PLCB4: variants seen among roughly 807,000 people sequenced by gnomAD.
PLCB4 encodes the protein phospholipase C beta 4, also known as 1-phosphatidylinositol 4,5-bisphosphate phosphodiesterase beta-4.
In PLCB4, 77 loss-of-function variants were observed where a neutral mutation model predicts 178.8. The observed-to-expected ratio is 0.43, with a 90% CI of 0.36 to 0.52. The LOEUF is 0.52. Among genes scored for constraint, PLCB4 ranks in the 20% least tolerant of loss-of-function variants. The pLI, the probability that PLCB4 is intolerant of heterozygous loss-of-function variation, is 0.00. For synonymous variants in PLCB4, 496 were observed against 490.8 expected (o/e 1.01, Z -0.14); for missense variants, 1,024 against 1,453.4 (o/e 0.70, Z 4.80).
intron 36 of PLCB4, among the ~76,000 whole-genome samples, chr20:9,470,268 T>C (rs1603071007): frequency 6.6e-6 from 1 of 151,682 alleles, no homozygotes; most frequent in Non-Finnish European, 1.5e-5. Context: ...GGGGCGGAGG[T>C]TGCAGTGAGC....
chr20:9,169,800 G>C (rs1178220713), intron 2 of PLCB4, among the ~76,000 whole-genome samples: 2 of 151,948 alleles, frequency 1.3e-5, no homozygotes, highest in Admixed American at 1.3e-4. Flanking sequence ...ATTTTACAAT[G>C]AACAGCTGTG....
intron 2 of PLCB4, among the ~76,000 whole-genome samples, chr20:9,178,071 C>T (rs1163542256): frequency 6.6e-6 from 1 of 152,220 alleles, no homozygotes; most frequent in Non-Finnish European, 1.5e-5. Flanking sequence ...GTAATCCCAG[C>T]ACTTTGGGAG....
chr20:9,254,202 C>T (rs142151467), intron 3 of PLCB4, among the ~76,000 whole-genome samples: 172 of 152,092 alleles, frequency 1.1e-3, no homozygotes, highest in African/African-American at 3.8e-3. Context: ...ATAAAATAAC[C>T]GGATTATATT....
At chr20:9,116,413 T>C (rs2091780678) in intron 2 of PLCB4, among the ~76,000 whole-genome samples, 1 of 152,138 alleles carries the variant, frequency 6.6e-6, no homozygotes, top group African/African-American at 2.4e-5. Context: ...CAGAGTATTG[T>C]TGTGTATTCT....
chr20:9,250,849 G>A (rs567490438), intron 3 of PLCB4, among the ~76,000 whole-genome samples: 1 of 152,288 alleles, frequency 6.6e-6, no homozygotes, highest in South Asian at 2.1e-4. Context: ...ACTGAATAAT[G>A]CAGCATTTTC....
intron 4 of PLCB4, among the ~76,000 whole-genome samples, chr20:9,324,404 G>A (rs2030048458): frequency 6.6e-6 from 1 of 152,070 alleles, no homozygotes; most frequent in African/African-American, 2.4e-5. Flanking sequence ...CCAGCCTGGT[G>A]ACACAGTGAG....
chr20:9,107,516 C>T lies in PLCB4; in HGVS notation c.-79+11174C>T, dbSNP rs372018684. On this transcript the variant is annotated intron_variant, in intron 2 of 39. Coordinates refer to ENST00000378473, the MANE Select transcript of PLCB4 (RefSeq NM_001377142.1). The stretch of plus-strand genomic sequence containing the variant: ...AGGATTACATGTCATCTGTGGGGGG[C>T]GACCTCCTCAGGCTTTTGGGGGTGG... Among the ~76,000 whole-genome samples the T allele has an allele frequency of 5.3e-5, 8 of 152,034 alleles. No homozygotes were observed. The East Asian group carries it at 7.7e-4, about 15-fold the overall frequency.
chr20:9,168,947 G>A (rs778392174), intron 2 of PLCB4, among the ~76,000 whole-genome samples: 23 of 99,046 alleles, frequency 2.3e-4, no homozygotes, highest in South Asian at 5.8e-4. Context: ...TTAAGAAAGC[G>A]TTCAAGCTCA....
intron 2 of PLCB4, among the ~76,000 whole-genome samples, chr20:9,186,086 T>C (rs1308670428): frequency 6.6e-6 from 1 of 152,192 alleles, no homozygotes; most frequent in African/African-American, 2.4e-5. Context: ...AAGTGCCTCA[T>C]TCATAGTAGT....
intron 2 of PLCB4, among the ~76,000 whole-genome samples, chr20:9,172,625 T>A (rs150529905): frequency 0.2 from 30,123 of 152,114 alleles, 3,061 homozygotes; most frequent in African/African-American, 0.25. Context: ...CATTCGCATT[T>A]CCTTTTCTTG....
At chr20:9,472,692 A>T (rs188074011) in intron 36 of PLCB4, 98 bp from the exon 37 acceptor site, 650 of 612,732 alleles carry the variant, frequency 1.1e-3, no homozygotes, top group Non-Finnish European at 1.5e-3. Context: ...CAATAATTCC[A>T]TCCAGAGAAT....
chr20:9,218,145 C>G (rs957126718), intron 3 of PLCB4, among the ~76,000 whole-genome samples: 6 of 152,186 alleles, frequency 3.9e-5, no homozygotes, highest in Non-Finnish European at 8.8e-5. Flanking sequence ...AATTCTCGCT[C>G]TGTCACCCAG....
chr20:9,200,904 A>T (rs1210778654), intron 2 of PLCB4, among the ~76,000 whole-genome samples: 1 of 152,176 alleles, frequency 6.6e-6, no homozygotes, highest in Non-Finnish European at 1.5e-5. Flanking sequence ...TTGTTGAATG[A>T]GTAAAATAAC....
chr20:9,238,713 A>G (rs1601372329), intron 3 of PLCB4, among the ~76,000 whole-genome samples: 1 of 152,370 alleles, frequency 6.6e-6, no homozygotes, highest in South Asian at 2.1e-4. Context: ...TTACTCAAAG[A>G]CAATTAGGTT....
intron 3 of PLCB4, among the ~76,000 whole-genome samples, chr20:9,283,614 G>A (rs2094513197): frequency 6.6e-6 from 1 of 151,862 alleles, no homozygotes; most frequent in Admixed American, 6.6e-5. Flanking sequence ...TCTCTCCTGG[G>A]CAGGGGTTAT....
rs1602001478 is a variant in PLCB4 at position 9,347,421 on chromosome 20, C to T, written c.369+8384C>T. Among the ~76,000 whole-genome samples, 3 of 152,312 alleles carry T rather than the reference C, an allele frequency of 2.0e-5. No individual in the cohort carries two copies. In the Middle Eastern group the frequency reaches 0.01, roughly 518 times the overall value. On this transcript the variant is annotated intron_variant, in intron 7 of 39. Coordinates refer to ENST00000378473, the MANE Select transcript of PLCB4 (RefSeq NM_001377142.1). Reference sequence around the variant, plus strand: ...GATCATTTAGAACCATAGCTATAGACATCAGGCACCATGTAGCATTAACAC... The same window carrying T: ...GATCATTTAGAACCATAGCTATAGATATCAGGCACCATGTAGCATTAACAC...
intron 26 of PLCB4, among the ~76,000 whole-genome samples, chr20:9,421,028 T>A (rs1169458384): frequency 6.6e-6 from 1 of 151,862 alleles, no homozygotes; most frequent in African/African-American, 2.4e-5. Flanking sequence ...TGGACACTAT[T>A]TGTATTATGA....
intron 18 of PLCB4, among the ~76,000 whole-genome samples, chr20:9,394,030 G>C (rs1345888116): frequency 6.6e-6 from 1 of 152,132 alleles, no homozygotes; most frequent in African/African-American, 2.4e-5. Context: ...TCCCTTTTCA[G>C]TTTGCCCCGT....
At chr20:9,136,822 G>C (rs185386640) in intron 2 of PLCB4, among the ~76,000 whole-genome samples, 2 of 152,228 alleles carry the variant, frequency 1.3e-5, no homozygotes, top group South Asian at 2.1e-4. Context: ...ATCAGTGTTG[G>C]ATATTCTGTT....
Sources: gnomAD v4.1 joint callset for allele counts (sites outside exome capture counted in the v4.1 genomes callset) on GRCh38, gnomAD v4.1.1 for gene constraint, MANE v1.5 for transcripts, NCBI Gene and HGNC (gene_info 2026-07-23, HGNC 2026-07-21) for gene names.